TACC1: variants seen among roughly 807,000 people sequenced by gnomAD.
TACC1 encodes transforming acidic coiled-coil containing protein 1.
TACC1 carries 48 observed loss-of-function variants against 84.4 expected under a neutral mutation model. That is an observed-to-expected ratio of 0.57 (90% CI 0.45 to 0.72). The LOEUF is 0.72. Ranked by LOEUF, TACC1 falls within the 30% of genes least tolerant of loss-of-function variation. The pLI is 0.00. For synonymous variants in TACC1, 372 were observed against 376.3 expected (o/e 0.99, Z 0.13); for missense variants, 920 against 973.0 (o/e 0.95, Z 0.72).
rs1163248812 is a variant in TACC1 at position 38,787,287 on chromosome 8, CGGGCCGG to C, written c.-290_-284del. ...GCAGAGGTCTAGCAGCCGGGCGCCG[CGGGCCGG>C]GGGCCTGAGGAGGCCACAGGACGGG... On this transcript the variant is annotated 5_prime_UTR_variant, in exon 1 of 13. Transcript: ENST00000317827. The C allele has an allele frequency of 9.0e-7, 1 of 1,107,470 alleles. No homozygotes were observed. The highest frequency in any genetic ancestry group is 1.1e-6 in the Non-Finnish European group (1 of 908,670). 68.6% of individuals were successfully genotyped at this position (1,107,470 alleles called of 1,614,324 possible). A position where few individuals can be genotyped will look rare whatever the true frequency, so the allele number is the denominator to read the frequency against.
chr8:38,843,514 C>T, intron 11 of TACC1, 119 bp downstream of exon 11: 1 of 616,526 alleles, frequency 1.6e-6, no homozygotes, highest in Non-Finnish European at 2.6e-6. Flanking sequence ...GTTTATTTCA[C>T]TTTTTAAACC....
At chr8:38,832,533 A>G (rs903532671) in intron 6 of TACC1, among the ~76,000 whole-genome samples, 3 of 152,198 alleles carry the variant, frequency 2.0e-5, no homozygotes, top group Non-Finnish European at 4.4e-5. Context: ...AAAATCATCT[A>G]TTTAATCCAT....
At chr8:38,757,243 C>G (rs1296639354) in intron 3 of TACC1, 5 of 616,356 alleles carry the variant, frequency 8.1e-6, no homozygotes, top group African/African-American at 2.1e-5. Context: ...CACCCTTCCT[C>G]CCGCCCCACC....
At chr8:38,790,003 C>T (rs1449039533) in intron 2 of TACC1, among the ~76,000 whole-genome samples, 1 of 152,210 alleles carries the variant, frequency 6.6e-6, no homozygotes, top group Non-Finnish European at 1.5e-5. Context: ...TAGCGGCTTA[C>T]AATAACAGAA....
At chr8:38,780,482 T>C (rs1343227356) in intron 3 of TACC1, among the ~76,000 whole-genome samples, 1 of 152,142 alleles carries the variant, frequency 6.6e-6, no homozygotes, top group Non-Finnish European at 1.5e-5. Context: ...TTTTGGTATA[T>C]AATAAATTCC....
chr8:38,776,541 A>G (rs567943800), intron 3 of TACC1, among the ~76,000 whole-genome samples: 1 of 152,348 alleles, frequency 6.6e-6, no homozygotes, highest in South Asian at 2.1e-4. Flanking sequence ...CATGAGATTC[A>G]TTATGTTTCA....
At chr8:38,824,612 A>T (rs533052680) in intron 3 of TACC1, 1 of 152,478 alleles carries the variant, frequency 6.6e-6, no homozygotes, top group East Asian at 1.9e-4. Context: ...TTTTCCTGGA[A>T]ATTCTAAGTT....
At position 38,843,391 on chromosome 8, in the gene TACC1, G is replaced by T; in HGVS notation, c.2224G>T (p.Asp742Tyr). 6.2e-7 allele frequency: 1 copy of T among 1,600,518 alleles called. No individual in the cohort carries two copies. The highest frequency in any genetic ancestry group is 1.1e-5 in the South Asian group (1 of 88,848). Residue 742 changes from aspartate to tyrosine, a missense_variant, in exon 11 of 13, where the codon GAC (aspartate) becomes TAC (tyrosine). Asp to Tyr is a radical substitution (Grantham distance 160). This residue lies in a region of TACC1 where 158 missense variants were observed against 225.6 expected (regional missense o/e 0.70). Transcript: ENST00000317827. ...GAAAATCCACGCAGAAGAGAAACTG[G>T]ACAAGTAAGAGCTTGTAAATGTTGA... ...ALKIHAEEKLDKANEEIAQVR... is the reference protein window; with the variant it reads ...ALKIHAEEKLYKANEEIAQVR...
chr8:38,842,746 C>G (rs564750806), intron 10 of TACC1, among the ~76,000 whole-genome samples: 29 of 152,356 alleles, frequency 1.9e-4, no homozygotes, highest in African/African-American at 6.3e-4. Context: ...AACCCTCAGA[C>G]CTCAGGTGAA....
At chr8:38,781,032 T>A (rs992905206) in intron 3 of TACC1, among the ~76,000 whole-genome samples, 3 of 152,190 alleles carry the variant, frequency 2.0e-5, no homozygotes, top group Non-Finnish European at 2.9e-5. Context: ...GTCACAGTTA[T>A]TTTTGAAAGC....
intron 2 of TACC1, among the ~76,000 whole-genome samples, chr8:38,808,019 A>G (rs1199761276): frequency 6.6e-6 from 1 of 152,222 alleles, no homozygotes; most frequent in Non-Finnish European, 1.5e-5. Flanking sequence ...AACAGCAACA[A>G]ATGGGCCAGA....
chr8:38,749,583 G>T (rs1297786476), intron 3 of TACC1, among the ~76,000 whole-genome samples: 2 of 151,780 alleles, frequency 1.3e-5, no homozygotes, highest in Non-Finnish European at 2.9e-5. Context: ...GTTTTTTTTT[G>T]TTTGTTTTGT....
At chr8:38,804,851 A>G (rs903173412) in intron 2 of TACC1, among the ~76,000 whole-genome samples, 3 of 152,066 alleles carry the variant, frequency 2.0e-5, no homozygotes, top group South Asian at 2.1e-4. Flanking sequence ...GATCCCCCCT[A>G]CTTAGCCTCC....
In TACC1 at chr8:38,833,753, C is replaced by T. The variant is rs534331375; in HGVS notation, c.1714-2409C>T. The stretch of plus-strand genomic sequence containing the variant: ...CCTGGCTATGAAGATTTTTAGGGGG[C>T]GTATTTCCCATATTCTCACGAACTT... On this transcript the variant is annotated intron_variant, in intron 6 of 12. Coordinates refer to ENST00000317827, the MANE Select transcript of TACC1 (RefSeq NM_006283.3). 5.3e-5 allele frequency among the ~76,000 whole-genome samples: 8 copies of T among 152,204 alleles called. No individual in the cohort carries two copies. The South Asian group carries it at 1.5e-3, about 28-fold the overall frequency.
chr8:38,811,087 A>G (rs185332587), intron 2 of TACC1, among the ~76,000 whole-genome samples: 1 of 151,404 alleles, frequency 6.6e-6, no homozygotes, highest in Admixed American at 6.6e-5. Context: ...TACAGTATTC[A>G]AGCCTGGGTG....
intron 7 of TACC1, among the ~76,000 whole-genome samples, chr8:38,836,902 G>C (rs112739793): frequency 0.024 from 3,597 of 152,222 alleles, 131 homozygotes; most frequent in African/African-American, 0.075. Flanking sequence ...TGTTCTTAAA[G>C]GAAGGTGTGG....
chr8:38,746,369 G>A (rs753967544), intron 3 of TACC1, among the ~76,000 whole-genome samples: 3 of 152,108 alleles, frequency 2.0e-5, no homozygotes, highest in Non-Finnish European at 2.9e-5. Flanking sequence ...AGTGGACTTC[G>A]TTATGTCCCT....
chr8:38,804,848 C>A (rs1042085344), intron 2 of TACC1, among the ~76,000 whole-genome samples: 1 of 152,318 alleles, frequency 6.6e-6, no homozygotes, highest in East Asian at 1.9e-4. Flanking sequence ...AGTGATCCCC[C>A]CTACTTAGCC....
chr8:38,729,729 C>T (rs776159814), intron 1 of TACC1, among the ~76,000 whole-genome samples: 3 of 151,902 alleles, frequency 2.0e-5, no homozygotes, highest in Admixed American at 1.3e-4. Context: ...ATTAGCTGGG[C>T]GTGGTGGCAG....
Sources: allele counts gnomAD v4.1 joint callset (sites outside exome capture counted in the v4.1 genomes callset), GRCh38; gene constraint gnomAD v4.1.1; regional missense constraint gnomAD v4.1.1; transcripts MANE v1.5; gene names NCBI Gene and HGNC (gene_info 2026-07-23, HGNC 2026-07-21).